Variants in CSPP1 observed in about 807,000 individuals in gnomAD.
CSPP1 encodes centrosome and spindle pole associated protein 1, also known as centrosome and spindle pole-associated protein 1.
In CSPP1, 126 loss-of-function variants were observed where a neutral mutation model predicts 164.4. The ratio of observed to expected loss-of-function variants is 0.77; its 90% CI spans 0.66 to 0.89. The LOEUF is 0.89. Ranked by LOEUF, CSPP1 falls within the 40% of genes least tolerant of loss-of-function variation. CSPP1 has a pLI of 0.00. For synonymous variants in CSPP1, 472 were observed against 476.7 expected, an observed-to-expected ratio of 0.99 and a Z score of 0.13; for missense variants, 1,395 against 1,449.8, an observed-to-expected ratio of 0.96 and a Z score of 0.61.
chr8:67,131,893 A>G, intron 15 of CSPP1, 58 bp from the exon 16 acceptor site: 1 of 1,457,294 alleles, frequency 6.9e-7, no homozygotes, highest in Non-Finnish European at 9.2e-7. Context: ...AAACTGTTGT[A>G]TTTTCTTCTT....
At chr8:67,173,417 A>AT (rs1830864194) in intron 25 of CSPP1, 1 of 152,212 alleles carries the variant, frequency 6.6e-6, no homozygotes, top group Non-Finnish European at 1.5e-5. Flanking sequence ...TCCTTTAGGC[A>AT]TATTCAGCAG....
chr8:67,170,987 C>T (rs1009725113), intron 24 of CSPP1, among the ~76,000 whole-genome samples: 3 of 151,332 alleles, frequency 2.0e-5, no homozygotes, highest in South Asian at 2.1e-4. Flanking sequence ...GGGGTTTCAC[C>T]GTGTTAGCCA....
intron 3 of CSPP1, among the ~76,000 whole-genome samples, chr8:67,080,367 A>G (rs1808892038): frequency 6.6e-6 from 1 of 152,248 alleles, no homozygotes; most frequent in Non-Finnish European, 1.5e-5. Context: ...ACTATCATAC[A>G]ACACTATGAT....
At chr8:67,077,590 C>G (rs1026327883) in intron 3 of CSPP1, among the ~76,000 whole-genome samples, 2 of 152,234 alleles carry the variant, frequency 1.3e-5, no homozygotes, top group Non-Finnish European at 2.9e-5. Context: ...GCCTGCCCGC[C>G]TCGGCCTCCC....
chr8:67,118,419 A>G (rs1370515652), intron 14 of CSPP1, 50 bp downstream of exon 14: 1 of 1,601,050 alleles, frequency 6.2e-7, no homozygotes, highest in Non-Finnish European at 8.5e-7. Context: ...CTCAATAAGG[A>G]AAATTGTTTT....
intron 7 of CSPP1, chr8:67,099,521 G>C (rs1294490501): frequency 6.6e-6 from 1 of 152,122 alleles, no homozygotes; most frequent in Non-Finnish European, 1.5e-5. Flanking sequence ...AGAATCAAAT[G>C]GTTCTTAGAC....
At position 67,116,008 on chromosome 8, in the gene CSPP1, C is replaced by G. The variant is rs779115693; in HGVS notation, c.1382C>G (p.Pro461Arg). ...AGAATAGCTTTCCAGACACCTCTCC[C>G]TCCTTTATCTGCCCCATCTGTCCCA... ...RPRIAFQTPLPPLSAPSVPPI... is the reference protein window; with the variant it reads ...RPRIAFQTPLRPLSAPSVPPI... The change falls in exon 13 of 31, where the codon CCT becomes CGT. Residue 461 changes from proline to arginine, a missense_variant. By Grantham distance (103) the Pro-to-Arg change is moderately radical. Transcript: ENST00000678616. The G allele has an allele frequency of 6.2e-7, 1 of 1,613,942 alleles. No homozygotes were observed. The highest frequency in any genetic ancestry group is 1.1e-5 in the South Asian group (1 of 91,076).
In CSPP1 at chr8:67,161,879, T is replaced by TC; in HGVS notation, c.2609dup (p.Ser871PhefsTer3). The TC allele has an allele frequency of 6.2e-7, 1 of 1,612,824 alleles. No homozygotes were observed. The highest frequency in any genetic ancestry group is 8.5e-7 in the Non-Finnish European group (1 of 1,178,934). Reference sequence around the variant, plus strand: ...AAATTGCAAGCAAACTCCAAAGACCTCCTTCAGTTGACAGCATCATACGTT... The same window carrying TC: ...AAATTGCAAGCAAACTCCAAAGACCTCCCTTCAGTTGACAGCATCATACGTT... On this transcript the variant is annotated frameshift_variant, in exon 22 of 31. Coordinates refer to ENST00000678616, the MANE Select transcript of CSPP1 (RefSeq NM_001382391.1). LOFTEE classifies it high-confidence loss of function.
chr8:67,152,268 G>A (rs147814958), intron 18 of CSPP1, among the ~76,000 whole-genome samples: 2 of 152,136 alleles, frequency 1.3e-5, no homozygotes, highest in African/African-American at 2.4e-5. Context: ...TATTTTAAAA[G>A]CCTGAAGGAA....
At position 67,196,184 on chromosome 8, in the gene CSPP1, A is replaced by G. The variant is rs1837901565; in HGVS notation, c.*591A>G. The G allele has an allele frequency of 6.6e-6, 1 of 152,258 alleles. No homozygotes were observed. Among genetic ancestry groups the G allele is most frequent in the Non-Finnish European group, 1.5e-5 (1 of 68,084 alleles). 9.4% of individuals were successfully genotyped at this position (152,258 alleles called of 1,614,324 possible). Reference sequence around the variant, plus strand: ...TCTTTCTGCTTCTATTTTTATGCCAATGAAGGCATTTGTCTTGTTACTAAT... The same window carrying G: ...TCTTTCTGCTTCTATTTTTATGCCAGTGAAGGCATTTGTCTTGTTACTAAT... On this transcript the variant is annotated 3_prime_UTR_variant, in exon 31 of 31. Coordinates refer to ENST00000678616, the MANE Select transcript of CSPP1 (RefSeq NM_001382391.1).
At position 67,117,861 on chromosome 8, in the gene CSPP1, C is replaced by T. The variant is rs193052700; in HGVS notation, c.1497-387C>T. Among the ~76,000 whole-genome samples the T allele has an allele frequency of 8.0e-3, 1,223 of 152,178 alleles. 12 individuals carry two copies. Among genetic ancestry groups the T allele is most frequent in the African/African-American group, 0.028 (1,168 of 41,530 alleles). On this transcript the variant is annotated intron_variant, in intron 13 of 30. Coordinates refer to ENST00000678616, the MANE Select transcript of CSPP1 (RefSeq NM_001382391.1). ...AATCTGCATTTTTTGGGCTATATTG[C>T]TATTTAGTTTAATTTGCTTGTACTA...
At position 67,078,042 on chromosome 8, in the gene CSPP1, C is replaced by T. The variant is rs556445914; in HGVS notation, c.199+1461C>T. ...CTGTGAAATAAGTTTGATTATCTTC[C>T]AGCCCTACGTTTTTATGAATCTAAA... On this transcript the variant is annotated intron_variant, in intron 3 of 30. Coordinates refer to ENST00000678616, the MANE Select transcript of CSPP1 (RefSeq NM_001382391.1). Among the ~76,000 whole-genome samples the T allele has an allele frequency of 2.0e-5, 3 of 152,116 alleles. No homozygotes were observed. In the East Asian group the frequency reaches 5.8e-4, roughly 29 times the overall value.
At chr8:67,139,615 T>C (rs1823069209) in intron 17 of CSPP1, among the ~76,000 whole-genome samples, 1 of 152,276 alleles carries the variant, frequency 6.6e-6, no homozygotes, top group East Asian at 1.9e-4. Flanking sequence ...AATGATAGAC[T>C]GGATTAAGAA....
chr8:67,152,804 G>A (rs1183831957), intron 18 of CSPP1, among the ~76,000 whole-genome samples: 2 of 152,186 alleles, frequency 1.3e-5, no homozygotes, highest in Non-Finnish European at 2.9e-5. Context: ...CTGCCAGTCT[G>A]TTCAAATAAG....
intron 17 of CSPP1, among the ~76,000 whole-genome samples, chr8:67,146,244 C>G (rs530720348): frequency 3.2e-4 from 49 of 151,594 alleles, no homozygotes; most frequent in Non-Finnish European, 5.9e-4. Flanking sequence ...CGCCTCAGCT[C>G]CCCCAAGTAG....
At chr8:67,167,780 G>A (rs1829717658) in intron 24 of CSPP1, among the ~76,000 whole-genome samples, 1 of 151,974 alleles carries the variant, frequency 6.6e-6, no homozygotes, top group Non-Finnish European at 1.5e-5. Flanking sequence ...AAACGGGATG[G>A]CGGCTGGGAA....
At position 67,116,079 on chromosome 8, in the gene CSPP1, C is replaced by T. The variant is rs759265787; in HGVS notation, c.1453C>T (p.Arg485Cys). ...HPVPSQNEDL[R>C]SGLSSALGEM... ...TGTTCCTTCTCAAAATGAAGATTTG[C>T]GCAGTGGACTCAGCAGCGCCCTTGG... is the stretch of plus-strand genomic sequence containing the variant. The change falls in exon 13 of 31, where the codon CGC (arginine) becomes TGC (cysteine). Residue 485 changes from arginine to cysteine, a missense_variant. Coordinates refer to ENST00000678616, the MANE Select transcript of CSPP1 (RefSeq NM_001382391.1). The T allele has an allele frequency of 2.0e-5, 33 of 1,613,928 alleles. 1 individual carries two copies. Among genetic ancestry groups the T allele is most frequent in the South Asian group, 7.7e-5 (7 of 91,084 alleles).
chr8:67,183,843 ATTTTTTTT>A (rs918103972), intron 28 of CSPP1, among the ~76,000 whole-genome samples: 20 of 108,182 alleles, frequency 1.8e-4, no homozygotes, highest in Non-Finnish European at 2.7e-4. Context: ...AAAATTGGGA[ATTTTTTTT>A]TTTTTTTTTT....
chr8:67,102,460 C>T (rs759651268), intron 7 of CSPP1, among the ~76,000 whole-genome samples: 7 of 151,946 alleles, frequency 4.6e-5, no homozygotes, highest in South Asian at 2.1e-4. Flanking sequence ...TATGGTGGTG[C>T]GCGCCTATAG....
Sources: allele counts gnomAD v4.1 joint callset (sites outside exome capture counted in the v4.1 genomes callset), GRCh38; gene constraint gnomAD v4.1.1; transcripts MANE v1.5; gene names NCBI Gene and HGNC (gene_info 2026-07-23, HGNC 2026-07-21).